Variants in WDR49 observed in about 807,000 individuals in gnomAD.
The protein encoded by WDR49 is cilia- and flagella-associated protein 337.
Under a neutral mutation model 119.5 loss-of-function variants are expected in WDR49, and 107 were observed. The ratio of observed to expected loss-of-function variants is 0.90; its 90% CI spans 0.77 to 1.05. The LOEUF (loss-of-function observed/expected upper bound fraction) is 1.05, where lower values mean the gene tolerates loss of function less well. Among genes scored for constraint, WDR49 ranks in the 50% least tolerant of loss-of-function variants. The probability of loss-of-function intolerance (pLI) is 0.00; values close to 1 mark genes in which losing one functional copy is unlikely to be tolerated. For missense variants in WDR49, 1,240 were observed against 1,220.5 expected, an observed-to-expected ratio of 1.02 and a Z score of -0.24; for synonymous variants, 425 against 418.8, an observed-to-expected ratio of 1.01 and a Z score of -0.18.
At chr3:167,481,300 C>T (rs1750711310) in intron 18 of WDR49, among the ~76,000 whole-genome samples, 1 of 151,854 alleles carries the variant, frequency 6.6e-6, no homozygotes, top group Non-Finnish European at 1.5e-5. Context: ...ACAGCAGTTG[C>T]CTCTATGAAG....
intron 5 of WDR49, among the ~76,000 whole-genome samples, chr3:167,617,038 C>T (rs1577280041): frequency 1.3e-5 from 2 of 152,086 alleles, no homozygotes; most frequent in South Asian, 4.2e-4. Context: ...AGGTTTGGTT[C>T]GCAGGGTGGG....
intron 7 of WDR49, among the ~76,000 whole-genome samples, chr3:167,598,801 C>T (rs1359836734): frequency 6.6e-6 from 1 of 152,204 alleles, no homozygotes; most frequent in Non-Finnish European, 1.5e-5. Context: ...CATTAGGGGG[C>T]ACCCCAAACC....
At chr3:167,511,090 A>T (rs1031296018) in intron 16 of WDR49, among the ~76,000 whole-genome samples, 4 of 152,220 alleles carry the variant, frequency 2.6e-5, no homozygotes, top group Admixed American at 2.6e-4. Flanking sequence ...CACAAAGGAC[A>T]TTCTACAGCT....
In WDR49 at chr3:167,620,473, T is replaced by C; in HGVS notation, c.914A>G (p.His305Arg). 1 of 1,536,120 alleles carries C rather than the reference T, an allele frequency of 6.5e-7. No individual in the cohort carries two copies. ...ELLSGCHKCC[H>R]ILEHKLHQGD... ...TTGATGAAGTTTATGCTCTAATATA[T>C]GGCAACATTTGTGACATCCAGAGAG... The change falls in exon 5 of 19, where the codon CAT (histidine) becomes CGT (arginine). Residue 305 changes from histidine (H) to arginine (R), a missense_variant. Coordinates refer to ENST00000682715, the MANE Select transcript of WDR49 (RefSeq NM_001366157.1).
At chr3:167,554,591 A>T in intron 10 of WDR49, 59 bp downstream of exon 10, 1 of 1,183,698 alleles carries the variant, frequency 8.4e-7, no homozygotes, top group Middle Eastern at 2.0e-4. Flanking sequence ...GTCAACCAAG[A>T]TTTTTATGTT....
At chr3:167,550,945 A>G (rs77761407) in intron 10 of WDR49, among the ~76,000 whole-genome samples, 2,036 of 152,112 alleles carry the variant, frequency 0.013, 43 homozygotes, top group African/African-American at 0.046. Context: ...ATTTAATTTT[A>G]GCAACATAAA....
upstream of WDR49, among the ~76,000 whole-genome samples, chr3:167,654,256 A>G (rs1718516552): frequency 1.3e-5 from 2 of 152,242 alleles, no homozygotes; most frequent in South Asian, 4.1e-4. Context: ...TGTTTTATAC[A>G]CAGAAAATGT....
At position 167,478,775 on chromosome 3, in the gene WDR49, C is replaced by T. The variant is rs1249221837; in HGVS notation, c.*103G>A. 2 of 752,976 alleles carry T rather than the reference C, an allele frequency of 2.7e-6. No homozygotes were observed. The highest frequency in any genetic ancestry group is 4.1e-6 in the Non-Finnish European group (2 of 486,090). 46.6% of individuals were successfully genotyped at this position (752,976 alleles called of 1,614,324 possible). ...AAATTATCCCATGAAGAGAAAACTT[C>T]CTGAAGTTTAAATATAAAATAAAAT... On this transcript the variant is annotated 3_prime_UTR_variant, in exon 19 of 19. Transcript: ENST00000682715.
At chr3:167,656,395 G>A (rs191751837), upstream of WDR49, among the ~76,000 whole-genome samples, 24 of 152,218 alleles carry the variant, frequency 1.6e-4, 1 homozygote, top group East Asian at 2.3e-3. Flanking sequence ...TAGAGAGTTG[G>A]GCTTAGTTCA....
chr3:167,526,823 T>C (rs1752650094), intron 15 of WDR49, among the ~76,000 whole-genome samples: 1 of 152,064 alleles, frequency 6.6e-6, no homozygotes, highest in Non-Finnish European at 1.5e-5. Context: ...CTTCCAACAC[T>C]AAAAGAATTG....
chr3:167,513,381 A>G (rs1752063292), intron 16 of WDR49, among the ~76,000 whole-genome samples: 1 of 152,204 alleles, frequency 6.6e-6, no homozygotes, highest in African/African-American at 2.4e-5. Flanking sequence ...GCAAAGGAGA[A>G]ACAAGATTGT....
At chr3:167,530,784 G>A (rs1752822742) in intron 13 of WDR49, among the ~76,000 whole-genome samples, 1 of 152,074 alleles carries the variant, frequency 6.6e-6, no homozygotes, top group South Asian at 2.1e-4. Context: ...ACATCTTGCT[G>A]TGCCCCTACT....
intron 2 of WDR49, among the ~76,000 whole-genome samples, chr3:167,630,462 CT>C (rs909507945): frequency 2.6e-5 from 4 of 152,088 alleles, no homozygotes; most frequent in African/African-American, 9.7e-5. Context: ...CTGATACCCA[CT>C]TTACTGCAGT....
intron 18 of WDR49, among the ~76,000 whole-genome samples, chr3:167,498,823 C>T (rs1176466475): frequency 6.6e-6 from 1 of 152,038 alleles, no homozygotes; most frequent in Non-Finnish European, 1.5e-5. Context: ...CCTCCTCAGT[C>T]AGATAAGGGA....
rs758842288 is a variant in WDR49, at chr3:167,560,126, T to C, written c.1612A>G (p.Thr538Ala). 10 of 1,614,200 alleles carry C rather than the reference T, an allele frequency of 6.2e-6. No homozygotes were observed. Among genetic ancestry groups the C allele is most frequent in the Non-Finnish European group, 7.6e-6 (9 of 1,180,034 alleles). ...GTCTCATTTGCATCAAGGGCCATAG[T>C]GCTGATTTCTGCGTTGCCGTGGCAA... is the stretch of plus-strand genomic sequence containing the variant. ...TGCHGNAEIS[T>A]MALDANETRL... Residue 538 changes from threonine to alanine, a missense_variant, in exon 9 of 19, where the codon ACT becomes GCT. By Grantham distance (58) the Thr-to-Ala change is moderately conservative. Coordinates refer to ENST00000682715, the MANE Select transcript of WDR49 (RefSeq NM_001366157.1).
At chr3:167,655,970 C>G (rs763022432), upstream of WDR49, among the ~76,000 whole-genome samples, 1 of 151,994 alleles carries the variant, frequency 6.6e-6, no homozygotes, top group Non-Finnish European at 1.5e-5. Flanking sequence ...GAATTGTGAC[C>G]TGGTGCCTGC....
At chr3:167,559,227 T>G (rs1713120632) in intron 9 of WDR49, among the ~76,000 whole-genome samples, 1 of 152,190 alleles carries the variant, frequency 6.6e-6, no homozygotes, top group Admixed American at 6.5e-5. Flanking sequence ...ACAGCTTAAC[T>G]GAGTGTATCA....
chr3:167,627,003 G>T lies in WDR49; in HGVS notation c.455C>A (p.Ser152Ter). The change falls in exon 3 of 19, where the codon TCA becomes TAA. Residue 152 changes from serine (S) to a stop codon, truncating the protein, a stop_gained. Coordinates refer to ENST00000682715, the MANE Select transcript of WDR49 (RefSeq NM_001366157.1). LOFTEE classifies it high-confidence loss of function. The part of the protein sequence containing the change: ...TIQKVIFLKN[S>*]SHYLTISKEG... Reference sequence around the variant, plus strand: ...TTTACTAATTGTCAGATAATGACTTGAATTTTTTAAGAAAATTACTTTTTG... The same window carrying T: ...TTTACTAATTGTCAGATAATGACTTTAATTTTTTAAGAAAATTACTTTTTG... 2.3e-6 allele frequency: 3 copies of T among 1,327,846 alleles called. No individual in the cohort carries two copies. Among genetic ancestry groups the T allele is most frequent in the Non-Finnish European group, 2.9e-6 (3 of 1,041,024 alleles). 82.3% of individuals were successfully genotyped at this position (1,327,846 alleles called of 1,614,324 possible).
At chr3:167,641,875 T>C (rs947630463) in intron 2 of WDR49, among the ~76,000 whole-genome samples, 13 of 151,556 alleles carry the variant, frequency 8.6e-5, no homozygotes, top group African/African-American at 3.2e-4. Context: ...GTTAATCAAA[T>C]ACAATTAAAA....
Sources: allele counts gnomAD v4.1 joint callset (sites outside exome capture counted in the v4.1 genomes callset), GRCh38; gene constraint gnomAD v4.1.1; transcripts MANE v1.5; gene names NCBI Gene and HGNC (gene_info 2026-07-23, HGNC 2026-07-21).